PZP: variants seen among roughly 807,000 people sequenced by gnomAD.
The protein encoded by PZP is PZP alpha-2-macroglobulin like.
Under a neutral mutation model 179.8 loss-of-function variants are expected in PZP, and 150 were observed. That is an observed-to-expected ratio of 0.83 (90% CI 0.73 to 0.96). PZP has a LOEUF of 0.96. Among genes scored for constraint, PZP ranks in the 40% least tolerant of loss-of-function variants. The probability of loss-of-function intolerance (pLI) is 0.00; values close to 1 mark genes in which losing one functional copy is unlikely to be tolerated. For missense variants in PZP, 1,689 were observed against 1,764.0 expected (o/e 0.96, Z 0.76); for synonymous variants, 624 against 652.3 (o/e 0.96, Z 0.66).
At chr12:9,208,146 T>G in intron 1 of PZP, 113 bp downstream of exon 1, 1 of 698,504 alleles carries the variant, frequency 1.4e-6, no homozygotes. Flanking sequence ...TTTCTTATAT[T>G]TGGAAGGTAT....
intron 10 of PZP, 70 bp from the exon 11 acceptor site, chr12:9,194,308 T>C: frequency 8.4e-6 from 12 of 1,420,756 alleles, no homozygotes; most frequent in Non-Finnish European, 1.2e-5. Context: ...TGTGAACAAA[T>C]GCTTTTGCTG....
chr12:9,160,910 A>G (rs1260692302), intron 23 of PZP, 123 bp downstream of exon 23: 50 of 839,518 alleles, frequency 6.0e-5, no homozygotes, highest in East Asian at 1.6e-4. Flanking sequence ...GCGAGACTCC[A>G]TCTCAAAAAA....
At chr12:9,150,553 T>C in intron 34 of PZP, 91 bp downstream of exon 34, 9 of 844,658 alleles carry the variant, frequency 1.1e-5, no homozygotes, top group Non-Finnish European at 1.7e-5. Context: ...AAGATTAATG[T>C]TGACTAAGTG....
rs777949571 is a variant in PZP, at chr12:9,169,415, T to C, written c.2001+15A>G. 2 of 1,568,236 alleles carry C rather than the reference T, an allele frequency of 1.3e-6. No individual in the cohort carries two copies. The highest frequency in any genetic ancestry group is 1.7e-6 in the Non-Finnish European group (2 of 1,152,754). On this transcript the variant is annotated intron_variant, in intron 16 of 35. Transcript: ENST00000261336. ...ACTCACAAGCCAGCATGTTAATAAG[T>C]AGTGAGAATTTTACCTTGAGGAAGC...
chr12:9,152,890 T>C lies in PZP; in HGVS notation c.4055A>G (p.Gln1352Arg). The change falls in exon 31 of 36, where the codon CAG becomes CGG. Residue 1352 changes from glutamine (Q) to arginine (R), a missense_variant. Around this residue, in one of 3 missense-constraint regions of PZP, gnomAD observed 746 missense variants for 749.2 expected, o/e 1.00. Transcript: ENST00000261336. ...TCCATCGCAAGTTTGGGGCACAGTC[T>C]GCACTTTTAAAGCAAATGGGGAGTC... ...KEDSPFALKV[Q>R]TVPQTCDGHK... The C allele has an allele frequency of 6.2e-7, 1 of 1,614,144 alleles. No individual in the cohort carries two copies. The highest frequency in any genetic ancestry group is 2.2e-5 in the East Asian group (1 of 44,878).
At chr12:9,203,113 AT>A (rs1470647145) in intron 2 of PZP, among the ~76,000 whole-genome samples, 1 of 152,210 alleles carries the variant, frequency 6.6e-6, no homozygotes, top group Non-Finnish European at 1.5e-5. Context: ...TGAAATTTTC[AT>A]ATGATCTATT....
At chr12:9,143,282 C>T in the PZP span, among the ~76,000 whole-genome samples, 279 of 152,266 alleles carry the variant, frequency 1.8e-3, no homozygotes, top group African/African-American at 5.4e-3. Flanking sequence ...GCAATACCTT[C>T]GACCCTAGCC....
chr12:9,183,867 G>A (rs942114514), intron 13 of PZP, among the ~76,000 whole-genome samples: 1 of 152,086 alleles, frequency 6.6e-6, no homozygotes, highest in Non-Finnish European at 1.5e-5. Context: ...TTAAGTTTGG[G>A]AAGAAAGGAA....
chr12:9,181,840 G>T (rs981067632), intron 14 of PZP, 135 bp downstream of exon 14: 135 of 872,440 alleles, frequency 1.5e-4, no homozygotes, highest in Non-Finnish European at 2.1e-5. Context: ...AGAAATTTGG[G>T]TCTGCCATAA....
chr12:9,159,919 A>C lies in PZP; in HGVS notation c.3137+19T>G. The C allele has an allele frequency of 6.3e-7, 1 of 1,586,244 alleles. No individual in the cohort carries two copies. ...TTCTGAACTCATAGTTGAAACTCAG[A>C]ATAGATTTTCTTTCTTACCAAGTGT... On this transcript the variant is annotated intron_variant, in intron 25 of 35. Coordinates refer to ENST00000261336, the MANE Select transcript of PZP (RefSeq NM_002864.3).
Position 9,163,668 on chromosome 12 carries a change from C to G in PZP, c.2736G>C (p.Glu912Asp). 6.2e-7 allele frequency: 1 copy of G among 1,612,812 alleles called. No individual in the cohort carries two copies. Among genetic ancestry groups the G allele is most frequent in the South Asian group, 1.1e-5 (1 of 90,888 alleles). ...KDTVIKTLLV[E>D]AEGIEQEKTF... ...TTAGGGACTCCCAAAAATATGTTACCTCCACCAACAGGGTTTTGATGACTG... is the reference window on the plus strand; with the variant it reads ...TTAGGGACTCCCAAAAATATGTTACGTCCACCAACAGGGTTTTGATGACTG... The change falls in exon 21 of 36, where the codon GAG (glutamate) becomes GAC (aspartate). Residue 912 changes from glutamate (E) to aspartate (D), a missense_variant and splice_region_variant. By Grantham distance (45) the Glu-to-Asp change is conservative. Transcript: ENST00000261336.
chr12:9,140,036 G>A, the PZP span, among the ~76,000 whole-genome samples: 2 of 152,198 alleles, frequency 1.3e-5, no homozygotes, highest in African/African-American at 4.8e-5. Flanking sequence ...AGGTTATCTT[G>A]GGATGGGCAT....
chr12:9,182,485 G>A (rs761665286), intron 13 of PZP, among the ~76,000 whole-genome samples: 1 of 152,112 alleles, frequency 6.6e-6, no homozygotes, highest in Non-Finnish European at 1.5e-5. Context: ...TAAATATAGA[G>A]CTATAATTTG....
chr12:9,157,246 A>G lies in PZP; in HGVS notation c.3479T>C (p.Phe1160Ser), dbSNP rs770713108. ...VYTKALLAYA[F>S]SLLGKQNQNR... ...CTGATTTTGCTTTCCCAGTAGGGAA[A>G]AAGCATAGGCCAGCAATGCCTTGGT... Residue 1160 changes from phenylalanine to serine, a missense_variant, in exon 28 of 36, where the codon TTT (phenylalanine) becomes TCT (serine). Phe to Ser is a radical substitution (Grantham distance 155). This residue lies in a region of PZP where 746 missense variants were observed against 749.2 expected (regional missense o/e 1.00). Transcript: ENST00000261336. The G allele has an allele frequency of 1.2e-6, 2 of 1,614,134 alleles. No individual in the cohort carries two copies. Among genetic ancestry groups the G allele is most frequent in the South Asian group, 1.1e-5 (1 of 91,066 alleles).
chr12:9,168,809 T>G lies in PZP; in HGVS notation c.2107+60A>C. The G allele has an allele frequency of 3.1e-6, 4 of 1,287,012 alleles. No individual in the cohort carries two copies. The South Asian group carries it at 4.9e-5, about 16-fold the overall frequency. The allele number at this position is 1,287,012 out of a possible 1,614,324, so 79.7% of individuals were successfully genotyped here. On this transcript the variant is annotated intron_variant, in intron 17 of 35. Transcript: ENST00000261336. ...AGGGCTACATTACCTCATTTTAGCA[T>G]TTTGGGCATAGTAATATTGTTGGAC...
rs760591562 is a variant in PZP at position 9,192,744 on chromosome 12, G to A, written c.1255-5C>T. ...GTTGGGATGCACAGTGAAAACCTGA[G>A]TAAACAGAAAAGCAAAGAAAGAATA... On this transcript the variant is annotated splice_polypyrimidine_tract_variant and splice_region_variant and intron_variant, in intron 11 of 35. Coordinates refer to ENST00000261336, the MANE Select transcript of PZP (RefSeq NM_002864.3). 5.1e-6 allele frequency: 8 copies of A among 1,578,542 alleles called. No homozygotes were observed. The highest frequency in any genetic ancestry group is 7.0e-6 in the Non-Finnish European group (8 of 1,149,470).
chr12:9,203,762 A>G lies in PZP; in HGVS notation c.267+6T>C. ...AGGGATAGCCAGCTGGCACCGTAGC[A>G]CTCACAGTGAAGGAGACACAGTGGA... On this transcript the variant is annotated splice_donor_region_variant and intron_variant, in intron 2 of 35. Coordinates refer to ENST00000261336, the MANE Select transcript of PZP (RefSeq NM_002864.3). The G allele has an allele frequency of 1.2e-6, 2 of 1,613,962 alleles. No individual in the cohort carries two copies. Among genetic ancestry groups the G allele is most frequent in the Non-Finnish European group, 1.7e-6 (2 of 1,179,928 alleles).
chr12:9,169,408 T>C (rs1941826139), intron 16 of PZP, 22 bp downstream of exon 16: 2 of 1,555,960 alleles, frequency 1.3e-6, no homozygotes, highest in Non-Finnish European at 1.7e-6. Flanking sequence ...GCCAGCATGT[T>C]AATAAGTAGT....
chr12:9,205,330 C>G (rs2121252467), intron 1 of PZP, among the ~76,000 whole-genome samples: 1 of 152,256 alleles, frequency 6.6e-6, no homozygotes, highest in East Asian at 1.9e-4. Flanking sequence ...AATCTCTCCA[C>G]ACTCTGAAAT....
Sources: allele counts gnomAD v4.1 joint callset (sites outside exome capture counted in the v4.1 genomes callset), GRCh38; gene constraint gnomAD v4.1.1; regional missense constraint gnomAD v4.1.1; transcripts MANE v1.5; gene names NCBI Gene and HGNC (gene_info 2026-07-23, HGNC 2026-07-21).